Variants in DNAJC6 observed in about 807,000 individuals in gnomAD.
DNAJC6 encodes auxilin.
Under a neutral mutation model 110.0 loss-of-function variants are expected in DNAJC6, and 34 were observed. The ratio of observed to expected loss-of-function variants is 0.31; its 90% confidence interval spans 0.24 to 0.41. The LOEUF (loss-of-function observed/expected upper bound fraction) is 0.41. DNAJC6 is among the 10% of genes least tolerant of loss of function. The pLI, the probability that DNAJC6 is intolerant of heterozygous loss-of-function variation, is 1.00. For missense variants in DNAJC6, 1,031 were observed against 1,207.8 expected, an observed-to-expected ratio of 0.85 and a Z score of 2.17; for synonymous variants, 406 against 437.2, an observed-to-expected ratio of 0.93 and a Z score of 0.89.
intron 1 of DNAJC6, among the ~76,000 whole-genome samples, chr1:65,342,218 A>C (rs1242150481): frequency 6.6e-6 from 1 of 152,024 alleles, no homozygotes; most frequent in Non-Finnish European, 1.5e-5. Context: ...GTATGACCTA[A>C]ATTTTTGTGT....
intron 1 of DNAJC6, chr1:65,279,564 A>T (rs1329022911): frequency 6.6e-6 from 1 of 152,178 alleles, no homozygotes; most frequent in Non-Finnish European, 1.5e-5. Flanking sequence ...ATATACATCT[A>T]ATATATATAC....
chr1:65,354,736 G>A (rs1356589217), intron 1 of DNAJC6, among the ~76,000 whole-genome samples: 1 of 152,104 alleles, frequency 6.6e-6, no homozygotes, highest in Non-Finnish European at 1.5e-5. Flanking sequence ...TGGCACACTA[G>A]CATAATATAG....
chr1:65,278,314 G>A (rs1460679181), intron 1 of DNAJC6, among the ~76,000 whole-genome samples: 2 of 152,188 alleles, frequency 1.3e-5, no homozygotes, highest in Non-Finnish European at 2.9e-5. Context: ...TAAATGATCA[G>A]GGAAATTAAA....
In DNAJC6 at chr1:65,413,865, T is replaced by C. The variant is rs573270324; in HGVS notation, c.*840T>C. ...AATTTTGCTGTAAGGCTTAATGCTCTTCTTTTGTTTAGCCAAGAAAACATT... is the reference window on the plus strand; with the variant it reads ...AATTTTGCTGTAAGGCTTAATGCTCCTCTTTTGTTTAGCCAAGAAAACATT... On this transcript the variant is annotated 3_prime_UTR_variant, in exon 19 of 19. Coordinates refer to ENST00000371069, the MANE Select transcript of DNAJC6 (RefSeq NM_001256864.2). 2.6e-5 allele frequency: 4 copies of C among 152,358 alleles called. No homozygotes were observed. In the South Asian group the frequency reaches 6.2e-4, roughly 24 times the overall value. 9.4% of individuals were successfully genotyped at this position (152,358 alleles called of 1,614,324 possible).
intron 1 of DNAJC6, among the ~76,000 whole-genome samples, chr1:65,280,439 G>T (rs531310427): frequency 6.6e-6 from 1 of 152,176 alleles, no homozygotes; most frequent in East Asian, 1.9e-4. Context: ...ATTAAAAGAA[G>T]ATTTAGAAAC....
At chr1:65,379,297 G>T in intron 4 of DNAJC6, 105 bp from the exon 5 acceptor site, 1 of 1,408,202 alleles carries the variant, frequency 7.1e-7, no homozygotes, top group East Asian at 2.4e-5. Context: ...TCTATATTAA[G>T]AGAGGATGTG....
chr1:65,390,289 T>C (rs1042878206), intron 11 of DNAJC6, among the ~76,000 whole-genome samples: 3 of 152,196 alleles, frequency 2.0e-5, no homozygotes, highest in Non-Finnish European at 4.4e-5. Flanking sequence ...CTAAATATTA[T>C]AAAAATATCA....
chr1:65,411,377 A>T lies in DNAJC6; in HGVS notation c.2762A>T (p.Gln921Leu), dbSNP rs1203943853. 4.3e-6 allele frequency: 7 copies of T among 1,614,092 alleles called. No individual in the cohort carries two copies. Among genetic ancestry groups the T allele is most frequent in the Non-Finnish European group, 5.9e-6 (7 of 1,180,022 alleles). ...ATGGCAGACCTGGTAACACCAGAGCAGGTGAAGAAGGTGTACAGGAAGGCT... is the reference window on the plus strand; with the variant it reads ...ATGGCAGACCTGGTAACACCAGAGCTGGTGAAGAAGGTGTACAGGAAGGCT... ...VGMADLVTPE[Q>L]VKKVYRKAVL... is the part of the protein sequence containing the mutation. The change falls in exon 18 of 19, where the codon CAG becomes CTG. Residue 921 changes from glutamine (Q) to leucine (L), a missense_variant. By Grantham distance (113) the Gln-to-Leu change is moderately radical. Coordinates refer to ENST00000371069, the MANE Select transcript of DNAJC6 (RefSeq NM_001256864.2).
chr1:65,267,681 C>CAG (rs554295468), intron 1 of DNAJC6, among the ~76,000 whole-genome samples: 13 of 151,122 alleles, frequency 8.6e-5, no homozygotes, highest in African/African-American at 2.9e-4. Context: ...TATATACAGA[C>CAG]AGAGAGAGAG....
intron 1 of DNAJC6, among the ~76,000 whole-genome samples, chr1:65,352,061 C>T (rs139045131): frequency 6.2e-4 from 95 of 152,220 alleles, no homozygotes; most frequent in Middle Eastern, 3.4e-3. Context: ...CCACTGCACC[C>T]GGCCTTATAA....
chr1:65,308,709 A>G (rs77558961), upstream of DNAJC6, among the ~76,000 whole-genome samples: 8,998 of 152,218 alleles, frequency 0.059, 868 homozygotes, highest in African/African-American at 0.2. Context: ...ATCCTTGTCT[A>G]TCTTGCTTCC....
At chr1:65,369,211 A>C (rs1645682188) in intron 4 of DNAJC6, among the ~76,000 whole-genome samples, 1 of 152,178 alleles carries the variant, frequency 6.6e-6, no homozygotes, top group Non-Finnish European at 1.5e-5. Context: ...GCAGAATGCA[A>C]GTGGATCCTC....
At chr1:65,285,484 C>T (rs1056405789) in intron 1 of DNAJC6, among the ~76,000 whole-genome samples, 2 of 152,056 alleles carry the variant, frequency 1.3e-5, no homozygotes, top group Admixed American at 6.6e-5. Context: ...ACTAGATGTT[C>T]GGTTCTAACA....
upstream of DNAJC6, among the ~76,000 whole-genome samples, chr1:65,305,528 C>T (rs139041758): frequency 6.1e-4 from 93 of 152,238 alleles, no homozygotes; most frequent in African/African-American, 2.0e-3. Flanking sequence ...TAGTTTAAAT[C>T]ACTGGACTAG....
intron 1 of DNAJC6, among the ~76,000 whole-genome samples, chr1:65,358,004 C>A (rs746035564): frequency 8.9e-4 from 135 of 151,764 alleles, no homozygotes; most frequent in Non-Finnish European, 1.5e-3. Flanking sequence ...CATGGCGAAA[C>A]CCCATCTCTA....
At chr1:65,308,798 C>A (rs989169590), upstream of DNAJC6, among the ~76,000 whole-genome samples, 4 of 152,158 alleles carry the variant, frequency 2.6e-5, no homozygotes, top group African/African-American at 9.7e-5. Context: ...TCTGAAAATG[C>A]GTCGGACTTA....
chr1:65,358,265 C>A (rs1328814779), intron 1 of DNAJC6, among the ~76,000 whole-genome samples: 4 of 149,180 alleles, frequency 2.7e-5, no homozygotes, highest in African/African-American at 9.8e-5. Context: ...AAACAAAAAT[C>A]ACTCATCATT....
intron 16 of DNAJC6, among the ~76,000 whole-genome samples, chr1:65,407,066 T>G (rs1646084076): frequency 6.6e-6 from 1 of 152,208 alleles, no homozygotes. Context: ...CTGAAAATAT[T>G]AAATGGAAAA....
chr1:65,333,383 A>G (rs1645305851), intron 1 of DNAJC6, among the ~76,000 whole-genome samples: 1 of 152,106 alleles, frequency 6.6e-6, no homozygotes, highest in Admixed American at 6.5e-5. Flanking sequence ...ATGGATAAAA[A>G]CCATCACTGC....
Sources: gnomAD v4.1 joint callset for allele counts (sites outside exome capture counted in the v4.1 genomes callset) on GRCh38, gnomAD v4.1.1 for gene constraint, MANE v1.5 for transcripts, NCBI Gene and HGNC (gene_info 2026-07-23, HGNC 2026-07-21) for gene names.